Variants in MLLT3 observed in about 807,000 individuals in gnomAD.
The protein encoded by MLLT3 is protein AF-9.
MLLT3 carries 4 observed loss-of-function variants against 53.2 expected under a neutral mutation model. The observed-to-expected ratio is 0.08, with a 90% CI of 0.04 to 0.17. The LOEUF is 0.17. Among genes scored for constraint, MLLT3 ranks in the 10% least tolerant of loss-of-function variants. MLLT3 has a pLI of 1.00. For synonymous variants in MLLT3, 283 were observed against 230.6 expected (o/e 1.23, Z -2.06); for missense variants, 569 against 684.0 (o/e 0.83, Z 1.87).
chr9:20,429,528 A>C (rs1823216956), intron 4 of MLLT3, among the ~76,000 whole-genome samples: 1 of 150,358 alleles, frequency 6.7e-6, no homozygotes, highest in Admixed American at 6.6e-5. Flanking sequence ...GAATATTAGC[A>C]TAACTAATCC....
intron 5 of MLLT3, among the ~76,000 whole-genome samples, chr9:20,371,192 A>C (rs1587166661): frequency 6.6e-6 from 1 of 152,252 alleles, no homozygotes. Context: ...GGTTTAGGGA[A>C]ATAAGCCATC....
At chr9:20,392,119 T>G (rs995983912) in intron 5 of MLLT3, among the ~76,000 whole-genome samples, 24 of 152,186 alleles carry the variant, frequency 1.6e-4, no homozygotes, top group Non-Finnish European at 2.8e-4. Flanking sequence ...CTGAGCTCCC[T>G]GAGTTACCAA....
At chr9:20,450,357 ATCTT>A (rs1265988627) in intron 3 of MLLT3, among the ~76,000 whole-genome samples, 8 of 152,172 alleles carry the variant, frequency 5.3e-5, no homozygotes, top group Non-Finnish European at 1.0e-4. Context: ...CCAGAGAGTG[ATCTT>A]TCTAACACAA....
intron 4 of MLLT3, among the ~76,000 whole-genome samples, chr9:20,437,352 C>CT (rs986513333): frequency 2.0e-5 from 3 of 151,256 alleles, no homozygotes; most frequent in Admixed American, 6.6e-5. Flanking sequence ...TTAATTACAG[C>CT]TTTTTTTAAT....
At chr9:20,398,768 T>C (rs933434448) in intron 5 of MLLT3, among the ~76,000 whole-genome samples, 8 of 152,156 alleles carry the variant, frequency 5.3e-5, no homozygotes, top group African/African-American at 1.4e-4. Flanking sequence ...TTTTTTAAAA[T>C]AGAGAAGCAA....
At position 20,358,687 on chromosome 9, in the gene MLLT3, C is replaced by T. The variant is rs1821236062; in HGVS notation, c.1431+2055G>A. Among the ~76,000 whole-genome samples the T allele has an allele frequency of 2.0e-5, 3 of 152,194 alleles. No individual in the cohort carries two copies. The South Asian group carries it at 6.2e-4, about 32-fold the overall frequency. On this transcript the variant is annotated intron_variant, in intron 8 of 10. Coordinates refer to ENST00000380338, the MANE Select transcript of MLLT3 (RefSeq NM_004529.4). The stretch of plus-strand genomic sequence containing the variant: ...TGCTGGAGTTGCATTCCCTAGCAAG[C>T]CCACTTTTCACTATGATTGGGAGAG...
At chr9:20,501,523 G>A (rs992550669) in intron 2 of MLLT3, among the ~76,000 whole-genome samples, 5 of 150,738 alleles carry the variant, frequency 3.3e-5, no homozygotes, top group Non-Finnish European at 4.4e-5. Flanking sequence ...AGGTCGAGGC[G>A]GGTGGATCAT....
chr9:20,417,853 A>T (rs1822910165), intron 4 of MLLT3, among the ~76,000 whole-genome samples: 1 of 151,994 alleles, frequency 6.6e-6, no homozygotes, highest in South Asian at 2.1e-4. Flanking sequence ...TACTGGCCAG[A>T]ATAAGGTTTT....
intron 2 of MLLT3, among the ~76,000 whole-genome samples, chr9:20,566,361 T>C (rs991567868): frequency 6.6e-6 from 1 of 151,980 alleles, no homozygotes; most frequent in Non-Finnish European, 1.5e-5. Flanking sequence ...TAAACACTTA[T>C]TGTACCTATC....
At chr9:20,413,676 A>G in intron 5 of MLLT3, 45 bp downstream of exon 5, 1 of 1,470,134 alleles carries the variant, frequency 6.8e-7, no homozygotes, top group South Asian at 1.4e-5. Context: ...CCAAAATAAA[A>G]TCTGAAAATA....
chr9:20,435,918 C>T (rs1342357677), intron 4 of MLLT3, among the ~76,000 whole-genome samples: 4 of 152,000 alleles, frequency 2.6e-5, no homozygotes, highest in Admixed American at 1.3e-4. Flanking sequence ...ACACGCATGG[C>T]GGGGTAGTGG....
chr9:20,452,595 C>T (rs1240868694), intron 3 of MLLT3, among the ~76,000 whole-genome samples: 2 of 151,966 alleles, frequency 1.3e-5, no homozygotes, highest in African/African-American at 4.8e-5. Flanking sequence ...TGTATAAACT[C>T]CAGGGATAAA....
At chr9:20,613,048 G>A (rs1820739187) in intron 2 of MLLT3, among the ~76,000 whole-genome samples, 1 of 152,076 alleles carries the variant, frequency 6.6e-6, no homozygotes, top group African/African-American at 2.4e-5. Context: ...GAAAAGTAAA[G>A]TATACAATAT....
intron 2 of MLLT3, among the ~76,000 whole-genome samples, chr9:20,570,853 A>G (rs1029205401): frequency 6.6e-6 from 1 of 151,938 alleles, no homozygotes; most frequent in Non-Finnish European, 1.5e-5. Context: ...CTAACTTCCC[A>G]CTTAGAAAAG....
Position 20,485,764 on chromosome 9 carries a change from A to G in MLLT3, c.194-28978T>C, listed in dbSNP as rs532630628. 3.4e-5 allele frequency among the ~76,000 whole-genome samples: 5 copies of G among 148,098 alleles called. No homozygotes were observed. In the South Asian group the frequency reaches 1.1e-3, roughly 32 times the overall value. ...TACACACGTGTGTGTGTGTGTGTGC[A>G]TGTGTGTGTGATGTGATTTAATACA... On this transcript the variant is annotated intron_variant, in intron 2 of 10. Coordinates refer to ENST00000380338, the MANE Select transcript of MLLT3 (RefSeq NM_004529.4).
At chr9:20,465,701 G>A (rs892860864) in intron 2 of MLLT3, among the ~76,000 whole-genome samples, 3 of 152,104 alleles carry the variant, frequency 2.0e-5, no homozygotes, top group African/African-American at 7.2e-5. Context: ...CCTAACTTCA[G>A]AGGAAGGATT....
intron 2 of MLLT3, among the ~76,000 whole-genome samples, chr9:20,592,504 C>A (rs984187632): frequency 6.6e-6 from 1 of 152,122 alleles, no homozygotes; most frequent in Non-Finnish European, 1.5e-5. Context: ...TATAAGGACA[C>A]AAGTCATATT....
At chr9:20,385,534 A>C (rs1204674723) in intron 5 of MLLT3, among the ~76,000 whole-genome samples, 1 of 152,184 alleles carries the variant, frequency 6.6e-6, no homozygotes, top group Non-Finnish European at 1.5e-5. Flanking sequence ...AAAAATAACA[A>C]AATGTCTGTT....
intron 2 of MLLT3, among the ~76,000 whole-genome samples, chr9:20,545,555 T>C (rs1818764814): frequency 6.6e-6 from 1 of 152,214 alleles, no homozygotes; most frequent in Non-Finnish European, 1.5e-5. Flanking sequence ...GTGAGTTTTA[T>C]GTTATGTGTA....
Sources: allele counts gnomAD v4.1 joint callset (sites outside exome capture counted in the v4.1 genomes callset), GRCh38; gene constraint gnomAD v4.1.1; transcripts MANE v1.5; gene names NCBI Gene and HGNC (gene_info 2026-07-23, HGNC 2026-07-21).